PDE1C: variants seen among roughly 807,000 people sequenced by gnomAD.
PDE1C encodes dual specificity calcium/calmodulin-dependent 3',5'-cyclic nucleotide phosphodiesterase 1C.
Under a neutral mutation model 93.1 loss-of-function variants are expected in PDE1C, and 62 were observed. That is an observed-to-expected ratio of 0.67 (90% confidence interval 0.54 to 0.82). The LOEUF (loss-of-function observed/expected upper bound fraction) is 0.82, where lower values mean the gene tolerates loss of function less well. Among genes scored for constraint, PDE1C ranks in the 40% least tolerant of loss-of-function variants. PDE1C has a pLI of 0.00. For synonymous variants in PDE1C, 325 were observed against 310.1 expected, an observed-to-expected ratio of 1.05 and a Z score of -0.50; for missense variants, 742 against 884.6, an observed-to-expected ratio of 0.84 and a Z score of 2.04.
At chr7:32,401,018 GC>G (rs533785078) in intron 1 of PDE1C, among the ~76,000 whole-genome samples, 241 of 152,294 alleles carry the variant, frequency 1.6e-3, no homozygotes, top group Admixed American at 3.2e-3. Flanking sequence ...GCATACATAG[GC>G]TGCCCGTATA....
At chr7:31,678,083 C>T in the PDE1C span, among the ~76,000 whole-genome samples, 9 of 152,144 alleles carry the variant, frequency 5.9e-5, no homozygotes, top group East Asian at 1.9e-4. Flanking sequence ...AATGTTCTAA[C>T]GCTCTACGAG....
At chr7:31,702,848 C>T in the PDE1C span, among the ~76,000 whole-genome samples, 1 of 152,154 alleles carries the variant, frequency 6.6e-6, no homozygotes, top group Non-Finnish European at 1.5e-5. Flanking sequence ...CTGATGGAGA[C>T]TGATTATTTT....
intron 1 of PDE1C, among the ~76,000 whole-genome samples, chr7:32,280,572 C>T (rs1811563178): frequency 6.6e-6 from 1 of 152,066 alleles, no homozygotes; most frequent in African/African-American, 2.4e-5. Context: ...TTTTTCAGCG[C>T]CCATGAAACA....
intron 2 of PDE1C, among the ~76,000 whole-genome samples, chr7:31,976,438 A>G (rs1463197448): frequency 6.6e-6 from 1 of 152,230 alleles, no homozygotes; most frequent in Non-Finnish European, 1.5e-5. Context: ...GGATAATTAA[A>G]TTCATAAGTA....
the PDE1C span, among the ~76,000 whole-genome samples, chr7:31,698,693 A>C: frequency 6.6e-6 from 1 of 152,256 alleles, no homozygotes; most frequent in Non-Finnish European, 1.5e-5. Context: ...GTCAATAACC[A>C]TATAGATTAA....
the PDE1C span, chr7:31,696,912 T>G: frequency 6.3e-7 from 1 of 1,579,280 alleles, no homozygotes; most frequent in Non-Finnish European, 8.6e-7. Flanking sequence ...TCCTCATATA[T>G]TAGGATATAT....
chr7:31,814,224 CT>C (rs1372564758), intron 15 of PDE1C, among the ~76,000 whole-genome samples: 1 of 152,026 alleles, frequency 6.6e-6, no homozygotes, highest in Non-Finnish European at 1.5e-5. Flanking sequence ...CATATGACTT[CT>C]TTTCCTCTGG....
chr7:31,759,929 C>T (rs145539455), intron 17 of PDE1C, among the ~76,000 whole-genome samples: 9 of 151,720 alleles, frequency 5.9e-5, no homozygotes, highest in Admixed American at 2.6e-4. Context: ...CATTTTTCTT[C>T]GTGGCTACTT....
Position 31,946,254 on chromosome 7 carries a change from A to G in PDE1C, c.129-65394T>C, listed in dbSNP as rs57329863. 3.2e-3 allele frequency among the ~76,000 whole-genome samples: 493 copies of G among 152,300 alleles called. 2 individuals carry two copies. The highest frequency in any genetic ancestry group is 0.011 in the African/African-American group (452 of 41,568). ...CTGAGGCAGGGCTTGCATCTCTGAC[A>G]TAATGTAAAAGAGTCTTGGAACATG... On this transcript the variant is annotated intron_variant, in intron 2 of 17. Coordinates refer to ENST00000396191, the MANE Select transcript of PDE1C (RefSeq NM_001191057.4).
intron 1 of PDE1C, among the ~76,000 whole-genome samples, chr7:32,053,313 G>C (rs1199997221): frequency 1.3e-5 from 2 of 152,152 alleles, no homozygotes; most frequent in Admixed American, 1.3e-4. Context: ...CTCCCCAAAA[G>C]CTATGATGCA....
intron 1 of PDE1C, among the ~76,000 whole-genome samples, chr7:32,338,800 G>A (rs1023096861): frequency 3.3e-5 from 5 of 151,998 alleles, no homozygotes; most frequent in South Asian, 2.1e-4. Flanking sequence ...TCAGGAGATC[G>A]AGACCATCCT....
Position 31,886,116 on chromosome 7 carries a change from C to A in PDE1C, c.129-5256G>T, listed in dbSNP as rs1350262082. On this transcript the variant is annotated intron_variant, in intron 2 of 17. Coordinates refer to ENST00000396191, the MANE Select transcript of PDE1C (RefSeq NM_001191057.4). ...AACTGGATCTTTTACAGTACTTTCT[C>A]TACATGTCCCAATGGATCATGAGCC... Among the ~76,000 whole-genome samples, 3 of 152,118 alleles carry A rather than the reference C, an allele frequency of 2.0e-5. No individual in the cohort carries two copies. The East Asian group carries it at 5.8e-4, about 29-fold the overall frequency.
the PDE1C span, among the ~76,000 whole-genome samples, chr7:31,680,111 T>C: frequency 1.3e-5 from 2 of 152,200 alleles, no homozygotes; most frequent in Non-Finnish European, 2.9e-5. Flanking sequence ...ACTTACTTAA[T>C]TGAGCATCAG....
intron 1 of PDE1C, among the ~76,000 whole-genome samples, chr7:32,295,649 T>C (rs1338264764): frequency 6.6e-6 from 1 of 152,114 alleles, no homozygotes; most frequent in Non-Finnish European, 1.5e-5. Context: ...CCCAACACTT[T>C]GGGAGACCGA....
intron 3 of PDE1C, among the ~76,000 whole-genome samples, chr7:32,123,024 C>T (rs992390045): frequency 2.9e-4 from 44 of 151,850 alleles, no homozygotes; most frequent in African/African-American, 9.7e-4. Context: ...AAAATGATGA[C>T]GGGGATATCA....
intron 2 of PDE1C, among the ~76,000 whole-genome samples, chr7:32,199,802 G>A (rs558721644): frequency 1.3e-5 from 2 of 151,886 alleles, no homozygotes; most frequent in South Asian, 2.1e-4. Context: ...AACCTAAAAT[G>A]CTCCAAAATT....
downstream of PDE1C, among the ~76,000 whole-genome samples, chr7:31,749,178 G>A (rs533718248): frequency 6.6e-6 from 1 of 152,004 alleles, no homozygotes; most frequent in African/African-American, 2.4e-5. Context: ...GAAGACAAGA[G>A]AATTTGCATT....
chr7:31,648,044 A>G, the PDE1C span, among the ~76,000 whole-genome samples: 2 of 152,314 alleles, frequency 1.3e-5, no homozygotes, highest in African/African-American at 4.8e-5. Context: ...TTAATTTTAA[A>G]AAGTGTTAAT....
At chr7:32,184,969 G>C (rs1163569827) in intron 2 of PDE1C, among the ~76,000 whole-genome samples, 1 of 151,890 alleles carries the variant, frequency 6.6e-6, no homozygotes, top group Non-Finnish European at 1.5e-5. Flanking sequence ...AAATTAGCTG[G>C]GCGTAGTGGC....
Sources: gnomAD v4.1 joint callset for allele counts (sites outside exome capture counted in the v4.1 genomes callset) on GRCh38, gnomAD v4.1.1 for gene constraint, MANE v1.5 for transcripts, NCBI Gene and HGNC (gene_info 2026-07-23, HGNC 2026-07-21) for gene names.